ANO3: variants seen among roughly 807,000 people sequenced by gnomAD.
ANO3 encodes anoctamin-3.
In ANO3, 99 loss-of-function variants were observed where a neutral mutation model predicts 144.8. The observed-to-expected ratio is 0.68, with a 90% CI of 0.58 to 0.81. The LOEUF is 0.81. ANO3 is among the 30% of genes least tolerant of loss of function. The pLI is 0.00. For missense variants in ANO3, 905 were observed against 1,202.2 expected (o/e 0.75, Z 3.66); for synonymous variants, 414 against 392.6 (o/e 1.05, Z -0.64).
intron 1 of ANO3, among the ~76,000 whole-genome samples, chr11:26,232,036 G>T (rs547437854): frequency 6.6e-6 from 1 of 152,288 alleles, no homozygotes; most frequent in East Asian, 1.9e-4. Context: ...CTGCTTTGAA[G>T]AGGAAACAAG....
intron 12 of ANO3, 33 bp from the exon 13 acceptor site, chr11:26,553,216 T>C: frequency 8.1e-7 from 1 of 1,227,708 alleles, no homozygotes; most frequent in Non-Finnish European, 1.1e-6. Context: ...CATGCTATGT[T>C]TTGTTTTGTT....
intron 4 of ANO3, among the ~76,000 whole-genome samples, chr11:26,502,544 T>G (rs1403960602): frequency 1.3e-5 from 2 of 152,132 alleles, no homozygotes; most frequent in Non-Finnish European, 2.9e-5. Context: ...AATGACATGA[T>G]CTAATTTTAT....
intron 1 of ANO3, among the ~76,000 whole-genome samples, chr11:26,400,610 TTAATA>T (rs908901337): frequency 1.8e-4 from 28 of 152,038 alleles, no homozygotes; most frequent in African/African-American, 6.5e-4. Flanking sequence ...TAATTTGTCT[TTAATA>T]TTTTTTCTTT....
intron 3 of ANO3, among the ~76,000 whole-genome samples, chr11:26,447,229 G>C (rs2029711): frequency 1.7e-5 from 1 of 59,692 alleles, no homozygotes; most frequent in Admixed American, 1.9e-4. Flanking sequence ...AAAAAAAAAA[G>C]GTGGGGGGGG....
intron 1 of ANO3, among the ~76,000 whole-genome samples, chr11:26,283,839 A>G (rs1853740188): frequency 6.6e-6 from 1 of 152,218 alleles, no homozygotes; most frequent in African/African-American, 2.4e-5. Flanking sequence ...GATGGGAACC[A>G]ATGGGATGCT....
At chr11:26,350,268 CG>C in intron 1 of ANO3, among the ~76,000 whole-genome samples, 1 of 152,066 alleles carries the variant, frequency 6.6e-6, no homozygotes, top group Non-Finnish European at 1.5e-5. Flanking sequence ...CCCATCAGCA[CG>C]AGTAGTGTGG....
At chr11:26,651,303 A>C (rs1215345014) in intron 24 of ANO3, among the ~76,000 whole-genome samples, 1 of 152,212 alleles carries the variant, frequency 6.6e-6, no homozygotes, top group African/African-American at 2.4e-5. Context: ...TCCGCATTGC[A>C]ACTAAACCTT....
chr11:26,566,999 T>C (rs1202744018), intron 14 of ANO3: 19 of 1,365,106 alleles, frequency 1.4e-5, no homozygotes, highest in Non-Finnish European at 1.8e-5. Context: ...ATAATATATC[T>C]ATAGTGTCTT....
chr11:26,587,805 A>G (rs546901875), intron 14 of ANO3, among the ~76,000 whole-genome samples: 1 of 152,214 alleles, frequency 6.6e-6, no homozygotes, highest in Admixed American at 6.5e-5. Flanking sequence ...AAAATTAAAA[A>G]AATCAGTGGA....
At chr11:26,639,337 C>G (rs1311361804) in intron 21 of ANO3, 96 bp downstream of exon 21, 2 of 832,102 alleles carry the variant, frequency 2.4e-6, no homozygotes, top group African/African-American at 3.4e-5. Context: ...TCTTGGTAAT[C>G]AGACAAATGA....
At chr11:26,478,141 A>G (rs904221005) in intron 4 of ANO3, among the ~76,000 whole-genome samples, 7 of 152,154 alleles carry the variant, frequency 4.6e-5, no homozygotes, top group Non-Finnish European at 8.8e-5. Context: ...GGGAAACACT[A>G]TATTGAGAGT....
chr11:26,348,328 G>A (rs150730565), intron 1 of ANO3, among the ~76,000 whole-genome samples: 64 of 152,270 alleles, frequency 4.2e-4, no homozygotes, highest in African/African-American at 1.5e-3. Flanking sequence ...TAAAGTTCAT[G>A]TTATATACAT....
At chr11:26,616,422 A>G (rs1458852916) in intron 17 of ANO3, among the ~76,000 whole-genome samples, 1 of 147,210 alleles carries the variant, frequency 6.8e-6, no homozygotes. Context: ...TTAAAGGAAC[A>G]TCCTGCGTTT....
chr11:26,445,422 T>G (rs145927285), intron 3 of ANO3, among the ~76,000 whole-genome samples: 1 of 152,338 alleles, frequency 6.6e-6, no homozygotes, highest in African/African-American at 2.4e-5. Context: ...TTATTTTTGA[T>G]GGCTTGCCAT....
In ANO3 at chr11:26,598,444, G is replaced by A; in HGVS notation, c.1527G>A (p.Glu509=). The A allele has an allele frequency of 1.3e-6, 2 of 1,582,248 alleles. No homozygotes were observed. The highest frequency in any genetic ancestry group is 1.7e-6 in the Non-Finnish European group (2 of 1,163,618). Residue 509 remains glutamate (E), a synonymous_variant, in exon 15 of 27, where the codon GAG becomes GAA. Transcript: ENST00000256737. ...GGGACCTTATCGAATGGGAAGAAGA[G>A]GAGGTAAGATGTTAGGATACAAGGA... is the stretch of plus-strand genomic sequence containing the variant. The part of the protein sequence containing the change: ...YTWDLIEWEE[E]EETLRPQFEA...
intron 3 of ANO3, among the ~76,000 whole-genome samples, chr11:26,456,020 T>C (rs1441366588): frequency 6.6e-6 from 1 of 151,478 alleles, no homozygotes; most frequent in African/African-American, 2.4e-5. Context: ...TGGCTAGCCA[T>C]ATGTAGAAAG....
At chr11:26,594,675 G>C (rs113451872) in intron 14 of ANO3, among the ~76,000 whole-genome samples, 23,481 of 151,960 alleles carry the variant, frequency 0.15, 2,100 homozygotes, top group East Asian at 0.33. Context: ...GTTGAAGGGG[G>C]GTCTTTATTA....
At chr11:26,583,767 G>A (rs78913488) in intron 14 of ANO3, among the ~76,000 whole-genome samples, 3,007 of 152,296 alleles carry the variant, frequency 0.02, 44 homozygotes, top group South Asian at 0.084. Flanking sequence ...GCTTGAGGAT[G>A]ATGCTGAAAA....
At chr11:26,645,941 A>ATT (rs537715761) in intron 23 of ANO3, among the ~76,000 whole-genome samples, 215 of 152,288 alleles carry the variant, frequency 1.4e-3, no homozygotes, top group African/African-American at 2.2e-3. Flanking sequence ...TTTAGTGAGC[A>ATT]TTTACTATAC....
Sources: allele counts gnomAD v4.1 joint callset (sites outside exome capture counted in the v4.1 genomes callset), GRCh38; gene constraint gnomAD v4.1.1; transcripts MANE v1.5; gene names NCBI Gene and HGNC (gene_info 2026-07-23, HGNC 2026-07-21).